The following DGKH variants were observed in gnomAD, a reference collection of about 807,000 sequenced individuals.
The protein encoded by DGKH is diacylglycerol kinase eta, also known as DAG kinase eta.
A neutral mutation model predicts 159.3 loss-of-function variants in DGKH; 90 were observed. The observed-to-expected ratio is 0.57, with a 90% CI of 0.48 to 0.67. DGKH has a LOEUF of 0.67. Among genes scored for constraint, DGKH ranks in the 30% least tolerant of loss-of-function variants. The pLI is 0.00. For synonymous variants in DGKH, 536 were observed against 553.8 expected (o/e 0.97, Z 0.45); for missense variants, 1,181 against 1,506.1 (o/e 0.78, Z 3.57).
At chr13:42,219,618 T>C in intron 27 of DGKH, 68 bp from the exon 28 acceptor site, 1 of 1,379,844 alleles carries the variant, frequency 7.2e-7, no homozygotes, top group South Asian at 1.3e-5. Flanking sequence ...GTGTTATCCC[T>C]ATTATCAGAG....
intron 2 of DGKH, 89 bp from the exon 3 acceptor site, chr13:42,129,463 A>G: frequency 1.8e-6 from 2 of 1,090,398 alleles, no homozygotes; most frequent in Non-Finnish European, 1.3e-6. Flanking sequence ...CCCATTTTCT[A>G]TTCCTAATTC....
intron 13 of DGKH, among the ~76,000 whole-genome samples, chr13:42,180,790 CAA>C (rs1245549521): frequency 1.3e-5 from 2 of 152,174 alleles, no homozygotes; most frequent in African/African-American, 4.8e-5. Flanking sequence ...AAAGAGGAGA[CAA>C]TATATAATTA....
intron 1 of DGKH, among the ~76,000 whole-genome samples, chr13:42,060,833 A>G (rs974324684): frequency 2.0e-5 from 3 of 152,222 alleles, no homozygotes; most frequent in South Asian, 2.1e-4. Flanking sequence ...TAGAAATAAG[A>G]AAACCAAAGA....
In DGKH at chr13:42,210,752, G is replaced by T; in HGVS notation, c.3001G>T (p.Glu1001Ter). The T allele has an allele frequency of 1.2e-6, 2 of 1,612,446 alleles. No homozygotes were observed. The highest frequency in any genetic ancestry group is 1.7e-6 in the Non-Finnish European group (2 of 1,179,850). ...QMQLCSQAAEELITRICDAAT... is the reference protein window; with the variant it reads ...QMQLCSQAAE ...GCAGCTATGCTCCCAGGCTGCAGAG[G>T]AGCTCATTACTAGGTAGGGGGCTCT... Residue 1001 changes from glutamate (E) to a stop codon, truncating the protein, a stop_gained, in exon 24 of 30, where the codon GAG (glutamate) becomes TAG (stop). Coordinates refer to ENST00000337343, the MANE Select transcript of DGKH (RefSeq NM_178009.5). LOFTEE classifies it high-confidence loss of function.
chr13:42,042,647 AC>A (rs1261041169), intron 1 of DGKH, among the ~76,000 whole-genome samples: 1 of 152,262 alleles, frequency 6.6e-6, no homozygotes, highest in Non-Finnish European at 1.5e-5. Flanking sequence ...GATAGCAGTT[AC>A]CAACAACAGA....
intron 1 of DGKH, among the ~76,000 whole-genome samples, chr13:42,049,683 T>A (rs937665441): frequency 2.0e-5 from 3 of 152,228 alleles, no homozygotes; most frequent in Non-Finnish European, 4.4e-5. Context: ...TTCAGAACCA[T>A]GCGTCCATGG....
intron 3 of DGKH, among the ~76,000 whole-genome samples, chr13:42,150,129 G>A (rs896265861): frequency 1.3e-5 from 2 of 152,118 alleles, no homozygotes; most frequent in African/African-American, 2.4e-5. Flanking sequence ...ATAGTGAAAT[G>A]AAATTATGCT....
intron 13 of DGKH, among the ~76,000 whole-genome samples, chr13:42,180,589 TGGCCTGACTCTTTGTCTAA>T (rs1177228060): frequency 6.6e-6 from 1 of 152,230 alleles, no homozygotes; most frequent in Non-Finnish European, 1.5e-5. Flanking sequence ...TCTTTGACCT[TGGCCTGACTCTTTGTCTAA>T]GGCTCTGCTC....
In DGKH at chr13:42,210,892, G is replaced by A. The variant is rs113603142; in HGVS notation, c.3014+127G>A. On this transcript the variant is annotated intron_variant, in intron 24 of 29. Coordinates refer to ENST00000337343, the MANE Select transcript of DGKH (RefSeq NM_178009.5). ...AGATGCAATTACTCTTCTTCACACA[G>A]CACTCTTTCCATTATTGTTTATTTC... is the stretch of plus-strand genomic sequence containing the variant. 29 of 759,622 alleles carry A rather than the reference G, an allele frequency of 3.8e-5. 2 individuals carry two copies. Among genetic ancestry groups the A allele is most frequent in the African/African-American group, 3.2e-4 (18 of 56,838 alleles). The allele number at this position is 759,622 out of a possible 1,614,324, so 47.1% of individuals were successfully genotyped here. A position where few individuals can be genotyped will look rare whatever the true frequency, so the allele number is the denominator to read the frequency against.
chr13:42,186,093 G>T (rs971845423), intron 13 of DGKH, among the ~76,000 whole-genome samples: 4 of 151,122 alleles, frequency 2.6e-5, no homozygotes, highest in African/African-American at 9.7e-5. Flanking sequence ...TAATACTGAA[G>T]TATATGGAAA....
At chr13:42,219,207 T>C (rs374781695) in intron 26 of DGKH, 23 bp from the exon 27 acceptor site, 2 of 1,612,792 alleles carry the variant, frequency 1.2e-6, no homozygotes, top group Non-Finnish European at 1.7e-6. Flanking sequence ...TTTTGTTTTG[T>C]CTTTTAATCT....
intron 1 of DGKH, among the ~76,000 whole-genome samples, chr13:42,079,791 C>G (rs1256086522): frequency 1.3e-5 from 2 of 152,076 alleles, no homozygotes; most frequent in African/African-American, 2.4e-5. Flanking sequence ...GTCATTTTAC[C>G]ACAGTTTGTG....
chr13:42,113,008 G>A (rs915269701), intron 1 of DGKH, among the ~76,000 whole-genome samples: 2 of 152,230 alleles, frequency 1.3e-5, no homozygotes, highest in Non-Finnish European at 2.9e-5. Flanking sequence ...GCTTTTGTTC[G>A]GATCATAGTT....
At chr13:42,174,614 G>A (rs1594145102) in intron 12 of DGKH, among the ~76,000 whole-genome samples, 1 of 152,194 alleles carries the variant, frequency 6.6e-6, no homozygotes, top group East Asian at 1.9e-4. Context: ...TAAGATGTTA[G>A]CTTCTTTAAA....
intron 1 of DGKH, among the ~76,000 whole-genome samples, chr13:42,124,281 A>G (rs943936378): frequency 3.4e-5 from 5 of 145,970 alleles, no homozygotes; most frequent in East Asian, 2.0e-4. Flanking sequence ...CGCACTTACT[A>G]TAACACTCTC....
At chr13:42,114,117 G>C (rs1007054839) in intron 1 of DGKH, among the ~76,000 whole-genome samples, 3 of 152,148 alleles carry the variant, frequency 2.0e-5, no homozygotes, top group Non-Finnish European at 4.4e-5. Context: ...AAGATAGATA[G>C]CTTCCCCTAA....
rs897943364 is a variant in DGKH at position 42,233,843 on chromosome 13, T to G, written c.*4655T>G. The G allele has an allele frequency of 6.6e-6, 1 of 152,254 alleles. No individual in the cohort carries two copies. The highest frequency in any genetic ancestry group is 2.4e-5 in the African/African-American group (1 of 41,472). The allele number at this position is 152,254 out of a possible 1,614,324, so 9.4% of individuals were successfully genotyped here. A position where few individuals can be genotyped will look rare whatever the true frequency, so the allele number is the denominator to read the frequency against. On this transcript the variant is annotated 3_prime_UTR_variant, in exon 30 of 30. Coordinates refer to ENST00000337343, the MANE Select transcript of DGKH (RefSeq NM_178009.5). ...ACCATGTTTAGTCTCCTACAACTTG[T>G]ACATTTTCATTTTCTCTTATCAGTA...
At chr13:42,059,796 G>T (rs1882009548) in intron 1 of DGKH, among the ~76,000 whole-genome samples, 1 of 151,772 alleles carries the variant, frequency 6.6e-6, no homozygotes, top group Admixed American at 6.6e-5. Context: ...AAAATCGAGT[G>T]GTCTCTAGTT....
chr13:42,161,672 C>T lies in DGKH; in HGVS notation c.855+1536C>T, dbSNP rs370458982. 2.4e-4 allele frequency among the ~76,000 whole-genome samples: 36 copies of T among 151,294 alleles called. No individual in the cohort carries two copies. The South Asian group carries it at 5.7e-3, about 24-fold the overall frequency. On this transcript the variant is annotated intron_variant, in intron 7 of 29. Coordinates refer to ENST00000337343, the MANE Select transcript of DGKH (RefSeq NM_178009.5). ...GTGGGCGCCTGTAATCCCAGCTACT[C>T]GGGAGGCTGAGGCAGGAGAATTGCT...
Sources: allele counts gnomAD v4.1 joint callset (sites outside exome capture counted in the v4.1 genomes callset), GRCh38; gene constraint gnomAD v4.1.1; transcripts MANE v1.5; gene names NCBI Gene and HGNC (gene_info 2026-07-23, HGNC 2026-07-21).